SOD2: variants seen among roughly 807,000 people sequenced by gnomAD.
SOD2 encodes the protein superoxide dismutase [Mn], mitochondrial.
In SOD2, 11 loss-of-function variants were observed where a neutral mutation model predicts 27.0. That is an observed-to-expected ratio of 0.41 (90% CI 0.26 to 0.67). The LOEUF (loss-of-function observed/expected upper bound fraction) is 0.67, where lower values mean the gene tolerates loss of function less well. Among genes scored for constraint, SOD2 ranks in the 30% least tolerant of loss-of-function variants. The probability of loss-of-function intolerance (pLI) is 0.34; values close to 1 mark genes in which losing one functional copy is unlikely to be tolerated. For missense variants in SOD2, 250 were observed against 274.5 expected (o/e 0.91, Z 0.63); for synonymous variants, 105 against 103.0 (o/e 1.02, Z -0.12).
chr6:159,761,590 G>T (rs1418553129), exon 1 of SOD2: 1 of 455,524 alleles, frequency 2.2e-6, no homozygotes, highest in South Asian at 1.6e-5. Flanking sequence ...CCCGCCGCGG[G>T]CCGGGCTCGC....
chr6:159,710,018 C>CA (rs1396125783), intron 1 of SOD2, among the ~76,000 whole-genome samples: 3 of 144,258 alleles, frequency 2.1e-5, no homozygotes, highest in Non-Finnish European at 4.5e-5. Context: ...ATCGCAAGGA[C>CA]AAAAAACCAA....
chr6:159,747,136 CTTAGTATGGAGTT>C (rs1779622865), upstream of SOD2, among the ~76,000 whole-genome samples: 1 of 152,014 alleles, frequency 6.6e-6, no homozygotes, highest in Admixed American at 6.6e-5. Flanking sequence ...CTATTTAAGC[CTTAGTATGGAGTT>C]AGATCTTGGG....
chr6:159,719,307 G>A (rs1400640621), intron 1 of SOD2, among the ~76,000 whole-genome samples: 1 of 152,058 alleles, frequency 6.6e-6, no homozygotes, highest in Non-Finnish European at 1.5e-5. Context: ...GGTGGATCAC[G>A]AGGTCAGGAG....
chr6:159,757,041 T>A (rs891667509), intron 1 of SOD2, among the ~76,000 whole-genome samples: 2 of 152,148 alleles, frequency 1.3e-5, no homozygotes, highest in Non-Finnish European at 2.9e-5. Context: ...TCTGGTAATA[T>A]TATATGAGTA....
upstream of SOD2, among the ~76,000 whole-genome samples, chr6:159,750,008 A>G (rs1779761884): frequency 6.6e-6 from 1 of 152,160 alleles, no homozygotes; most frequent in Admixed American, 6.5e-5. Flanking sequence ...ATTCAAATCA[A>G]TTGTAAGTAT....
intron 1 of SOD2, chr6:159,742,078 T>A (rs758557409): frequency 1.4e-5 from 22 of 1,589,708 alleles, no homozygotes; most frequent in Non-Finnish European, 1.9e-5. Flanking sequence ...TATGGATTTT[T>A]TTTTATTAGA....
At chr6:159,755,656 A>G (rs762032696) in intron 1 of SOD2, 2 of 1,490,178 alleles carry the variant, frequency 1.3e-6, no homozygotes, top group Admixed American at 2.3e-5. Context: ...AATTTGGGAG[A>G]GGATACTGTC....
At chr6:159,725,812 CTTA>C (rs914928831) in intron 1 of SOD2, 10 of 151,582 alleles carry the variant, frequency 6.6e-5, no homozygotes, top group Non-Finnish European at 1.0e-4. Flanking sequence ...AGCATATATG[CTTA>C]TTTTTGCTTT....
intron 1 of SOD2, among the ~76,000 whole-genome samples, chr6:159,699,659 G>A (rs1777490457): frequency 6.6e-6 from 1 of 152,140 alleles, no homozygotes; most frequent in Non-Finnish European, 1.5e-5. Flanking sequence ...ATTTGTCATG[G>A]AGTAAGATTG....
intron 1 of SOD2, among the ~76,000 whole-genome samples, chr6:159,751,674 G>A (rs145715271): frequency 0.011 from 1,735 of 152,250 alleles, 113 homozygotes; most frequent in Admixed American, 0.098. Context: ...TTTCACCCTC[G>A]GGCTCCTCTG....
chr6:159,704,088 A>G (rs565330200), intron 1 of SOD2, among the ~76,000 whole-genome samples: 10 of 152,244 alleles, frequency 6.6e-5, no homozygotes, highest in Admixed American at 1.3e-4. Flanking sequence ...GATCAAGATC[A>G]TCCTGGCCAA....
At chr6:159,729,247 C>T (rs963800), upstream of SOD2, among the ~76,000 whole-genome samples, 46,516 of 151,224 alleles carry the variant, frequency 0.31, 8,214 homozygotes, top group African/African-American at 0.5. Flanking sequence ...CAAAATTGTA[C>T]GTTAGTTAGT....
At chr6:159,689,768 T>G (rs1017643186) in intron 2 of SOD2, among the ~76,000 whole-genome samples, 1 of 151,916 alleles carries the variant, frequency 6.6e-6, no homozygotes, top group South Asian at 2.1e-4. Context: ...AAGACCGGCC[T>G]GGCCAACATG....
intron 1 of SOD2, chr6:159,727,066 T>C (rs933379271): frequency 1.3e-5 from 16 of 1,213,816 alleles, no homozygotes; most frequent in Non-Finnish European, 1.6e-5. Context: ...TCCCTTCCCG[T>C]GATGCCCTGG....
At chr6:159,743,533 C>T in intron 1 of SOD2, 1 of 850,548 alleles carries the variant, frequency 1.2e-6, no homozygotes, top group Non-Finnish European at 1.7e-6. Context: ...AGAAATTCGC[C>T]TGTTATAAAA....
chr6:159,704,007 T>A (rs1777573437), intron 1 of SOD2, among the ~76,000 whole-genome samples: 1 of 152,156 alleles, frequency 6.6e-6, no homozygotes, highest in Non-Finnish European at 1.5e-5. Context: ...AAGGAAAGGC[T>A]GGGCATGGTG....
chr6:159,691,431 C>A (rs1777182547), intron 2 of SOD2: 1 of 152,146 alleles, frequency 6.6e-6, no homozygotes, highest in African/African-American at 2.4e-5. Flanking sequence ...CCACTAGATG[C>A]CTCCAGTCAA....
At chr6:159,753,354 G>T in intron 1 of SOD2, 1 of 1,472,198 alleles carries the variant, frequency 6.8e-7, no homozygotes, top group Non-Finnish European at 9.4e-7. Flanking sequence ...AGCATCTGCT[G>T]TGATATAGTT....
intron 1 of SOD2, among the ~76,000 whole-genome samples, chr6:159,740,374 A>C (rs1779179201): frequency 6.6e-6 from 1 of 152,204 alleles, no homozygotes; most frequent in East Asian, 1.9e-4. Flanking sequence ...TCCTTAGGGA[A>C]TTCATGTAAG....
Sources: gnomAD v4.1 joint callset for allele counts (sites outside exome capture counted in the v4.1 genomes callset) on GRCh38, gnomAD v4.1.1 for gene constraint, MANE v1.5 for transcripts, NCBI Gene and HGNC (gene_info 2026-07-23, HGNC 2026-07-21) for gene names.